Variants in RAB3C observed in about 807,000 individuals in gnomAD.
RAB3C encodes ras-related protein Rab-3C.
In RAB3C, 17 loss-of-function variants were observed where a neutral mutation model predicts 26.4. That is an observed-to-expected ratio of 0.64 (90% CI 0.44 to 0.97). RAB3C has a LOEUF of 0.97. Among genes scored for constraint, RAB3C ranks in the 50% least tolerant of loss-of-function variants. The probability of loss-of-function intolerance (pLI) is 0.00; values close to 1 mark genes in which losing one functional copy is unlikely to be tolerated. For missense variants in RAB3C, 242 were observed against 281.9 expected (o/e 0.86, Z 1.01); for synonymous variants, 91 against 95.9 (o/e 0.95, Z 0.30).
chr5:58,640,627 G>A (rs1747395691), intron 2 of RAB3C, among the ~76,000 whole-genome samples: 2 of 152,008 alleles, frequency 1.3e-5, no homozygotes, highest in Non-Finnish European at 1.5e-5. Flanking sequence ...TGTGTCAGGT[G>A]GTATATAAGA....
intron 4 of RAB3C, among the ~76,000 whole-genome samples, chr5:58,849,320 T>C (rs2112089213): frequency 6.6e-6 from 1 of 151,282 alleles, no homozygotes; most frequent in African/African-American, 2.4e-5. Flanking sequence ...GGGTTCTTGG[T>C]ATCTTATGAC....
At chr5:58,639,643 C>T (rs1006923483) in intron 2 of RAB3C, among the ~76,000 whole-genome samples, 10 of 152,114 alleles carry the variant, frequency 6.6e-5, no homozygotes, top group African/African-American at 1.2e-4. Context: ...AATGTCATCA[C>T]GCTGGGGATT....
chr5:58,637,947 A>G (rs1056909663), intron 2 of RAB3C, among the ~76,000 whole-genome samples: 4 of 152,136 alleles, frequency 2.6e-5, no homozygotes, highest in African/African-American at 9.7e-5. Flanking sequence ...TCCTGGTTAT[A>G]AGTAGCAACA....
intron 2 of RAB3C, among the ~76,000 whole-genome samples, chr5:58,682,452 A>G (rs896523715): frequency 6.6e-6 from 1 of 152,146 alleles, no homozygotes; most frequent in Non-Finnish European, 1.5e-5. Flanking sequence ...TGGGAGGCTG[A>G]GGCAGGTGGA....
chr5:58,703,259 C>T (rs1441882261), intron 2 of RAB3C, among the ~76,000 whole-genome samples: 12 of 151,952 alleles, frequency 7.9e-5, no homozygotes, highest in African/African-American at 2.7e-4. Flanking sequence ...CTCGGCTCAC[C>T]GCAAACTCTG....
At chr5:58,799,380 G>A (rs115020464) in intron 3 of RAB3C, among the ~76,000 whole-genome samples, 5,485 of 152,054 alleles carry the variant, frequency 0.036, 139 homozygotes, top group Non-Finnish European at 0.057. Context: ...AGTTGGGGAA[G>A]AAAGGGTAGT....
At position 58,858,188 on chromosome 5, in the gene RAB3C, G is replaced by A. The variant is rs932804349; in HGVS notation, c.*6837G>A. 2.6e-5 allele frequency: 4 copies of A among 152,102 alleles called. No homozygotes were observed. Among genetic ancestry groups the A allele is most frequent in the Non-Finnish European group, 4.4e-5 (3 of 68,020 alleles). 9.4% of individuals were successfully genotyped at this position (152,102 alleles called of 1,614,324 possible). A position where few individuals can be genotyped will look rare whatever the true frequency, so the allele number is the denominator to read the frequency against. ...TGTGCCAATCATATTAAATGGATTT[G>A]GTCTATGTGGGTGATATGTGGCCTG... On this transcript the variant is annotated 3_prime_UTR_variant, in exon 5 of 5. Coordinates refer to ENST00000282878, the MANE Select transcript of RAB3C (RefSeq NM_138453.4).
intron 2 of RAB3C, among the ~76,000 whole-genome samples, chr5:58,678,345 T>G (rs1375208709): frequency 6.6e-6 from 1 of 152,114 alleles, no homozygotes; most frequent in East Asian, 1.9e-4. Context: ...ATAGCTGAAA[T>G]TTTTACATTT....
Position 58,609,818 on chromosome 5 carries a change from G to T in RAB3C, c.25-7825G>T, listed in dbSNP as rs115039778. ...AAAATTTCTGAATCTGACCTTTTCC[G>T]GGCCCCTTTACTTCAGAAGCCAGGA... On this transcript the variant is annotated intron_variant, in intron 1 of 4. Coordinates refer to ENST00000282878, the MANE Select transcript of RAB3C (RefSeq NM_138453.4). Among the ~76,000 whole-genome samples, 567 of 152,066 alleles carry T rather than the reference G, an allele frequency of 3.7e-3. 7 individuals are homozygous for T. Among genetic ancestry groups the T allele is most frequent in the African/African-American group, 0.013 (542 of 41,478 alleles).
chr5:58,845,903 C>T (rs190874349), intron 4 of RAB3C, among the ~76,000 whole-genome samples: 1 of 151,978 alleles, frequency 6.6e-6, no homozygotes, highest in Admixed American at 6.6e-5. Flanking sequence ...TACTAATCTG[C>T]TTCCTGTCTT....
At chr5:58,677,655 T>C (rs1224916735) in intron 2 of RAB3C, among the ~76,000 whole-genome samples, 2 of 152,226 alleles carry the variant, frequency 1.3e-5, no homozygotes, top group African/African-American at 4.8e-5. Context: ...TAAGATTGAA[T>C]CACATCACTT....
At chr5:58,791,436 C>T (rs561740832) in intron 3 of RAB3C, among the ~76,000 whole-genome samples, 4 of 152,272 alleles carry the variant, frequency 2.6e-5, no homozygotes, top group South Asian at 2.1e-4. Context: ...AAGGAATCCC[C>T]AGTGCAAACT....
intron 3 of RAB3C, among the ~76,000 whole-genome samples, chr5:58,809,447 T>C (rs775856439): frequency 1.3e-5 from 2 of 150,572 alleles, no homozygotes; most frequent in South Asian, 2.1e-4. Flanking sequence ...TATATGATCA[T>C]TGAATCTTTT....
chr5:58,612,488 G>GTA (rs1746725808), intron 1 of RAB3C, among the ~76,000 whole-genome samples: 1 of 55,952 alleles, frequency 1.8e-5, no homozygotes, highest in Non-Finnish European at 2.9e-5. Flanking sequence ...GTGTTCCTAG[G>GTA]TGTGTGTGTG....
intron 2 of RAB3C, among the ~76,000 whole-genome samples, chr5:58,696,163 T>C (rs1458855317): frequency 6.6e-6 from 1 of 152,218 alleles, no homozygotes; most frequent in Non-Finnish European, 1.5e-5. Context: ...AGGCCTCTTC[T>C]GCATCTATTG....
chr5:58,816,914 T>C (rs1421183513), intron 3 of RAB3C: 6 of 152,200 alleles, frequency 3.9e-5, no homozygotes, highest in Non-Finnish European at 8.8e-5. Context: ...CATTTGTTGG[T>C]GTCTGCAGAA....
intron 3 of RAB3C, among the ~76,000 whole-genome samples, chr5:58,808,346 C>T (rs1311567999): frequency 6.6e-6 from 1 of 151,702 alleles, no homozygotes; most frequent in African/African-American, 2.4e-5. Flanking sequence ...AGAAAAGTTG[C>T]AGAAAGAATA....
chr5:58,716,801 T>TA lies in RAB3C; in HGVS notation c.253-9184dup, dbSNP rs541771825. Among the ~76,000 whole-genome samples the TA allele has an allele frequency of 7.7e-3, 984 of 127,468 alleles. 3 individuals carry two copies. Among genetic ancestry groups the TA allele is most frequent in the South Asian group, 0.012 (42 of 3,534 alleles). The allele number at this position is 127,468 out of a possible 152,430, so 83.6% of individuals were successfully genotyped here. ...GTATTTCCAGTCATTGTTCTCTTAT[T>TA]AAAAAAAAAAAAAAAAACAACTCAG... is the stretch of plus-strand genomic sequence containing the variant. On this transcript the variant is annotated intron_variant, in intron 2 of 4. Coordinates refer to ENST00000282878, the MANE Select transcript of RAB3C (RefSeq NM_138453.4).
intron 2 of RAB3C, among the ~76,000 whole-genome samples, chr5:58,711,057 C>T (rs2111896199): frequency 6.6e-6 from 1 of 152,278 alleles, no homozygotes; most frequent in Middle Eastern, 3.4e-3. Flanking sequence ...AAGAAATCAG[C>T]AAGCATAATC....
Sources: allele counts gnomAD v4.1 joint callset (sites outside exome capture counted in the v4.1 genomes callset), GRCh38; gene constraint gnomAD v4.1.1; transcripts MANE v1.5; gene names NCBI Gene and HGNC (gene_info 2026-07-23, HGNC 2026-07-21).